Variants in ANKS1B observed in about 807,000 individuals in gnomAD.
ANKS1B encodes the protein ankyrin repeat and sterile alpha motif domain containing 1B, also known as ankyrin repeat and sterile alpha motif domain-containing protein 1B.
Under a neutral mutation model 148.3 loss-of-function variants are expected in ANKS1B, and 36 were observed. That is an observed-to-expected ratio of 0.24 (90% CI 0.19 to 0.32). The LOEUF (loss-of-function observed/expected upper bound fraction) is 0.32, where lower values mean the gene tolerates loss of function less well. Ranked by LOEUF, ANKS1B falls within the 10% of genes least tolerant of loss-of-function variation. ANKS1B has a pLI of 1.00. For synonymous variants in ANKS1B, 542 were observed against 560.8 expected (o/e 0.97, Z 0.47); for missense variants, 1,157 against 1,542.6 (o/e 0.75, Z 4.19).
At chr12:98,963,530 C>G (rs2153158415) in intron 17 of ANKS1B, among the ~76,000 whole-genome samples, 1 of 152,192 alleles carries the variant, frequency 6.6e-6, no homozygotes, top group Admixed American at 6.5e-5. Context: ...GTTGACAAGA[C>G]TTAAATCTAA....
intron 12 of ANKS1B, among the ~76,000 whole-genome samples, chr12:99,349,776 C>T (rs114419624): frequency 0.012 from 1,837 of 151,908 alleles, 39 homozygotes; most frequent in African/African-American, 0.042. Context: ...AATAACTATA[C>T]AGAAGGTCAA....
At chr12:99,746,264 C>T (rs1481382974) in intron 8 of ANKS1B, among the ~76,000 whole-genome samples, 2 of 152,166 alleles carry the variant, frequency 1.3e-5, no homozygotes, top group East Asian at 1.9e-4. Context: ...AACACAGATA[C>T]AATTAAGGAA....
chr12:99,177,144 T>C (rs1188274780), intron 14 of ANKS1B, among the ~76,000 whole-genome samples: 1 of 152,192 alleles, frequency 6.6e-6, no homozygotes, highest in African/African-American at 2.4e-5. Flanking sequence ...AGTCACTATG[T>C]TCCAAGTCTT....
chr12:98,813,401 G>C (rs12578659), intron 19 of ANKS1B, among the ~76,000 whole-genome samples: 11 of 149,796 alleles, frequency 7.3e-5, no homozygotes, highest in Admixed American at 3.3e-4. Context: ...TAAATGTGTA[G>C]AGAGGAGGTC....
chr12:99,844,619 T>A (rs973219063), intron 1 of ANKS1B, among the ~76,000 whole-genome samples: 3 of 152,184 alleles, frequency 2.0e-5, no homozygotes, highest in Non-Finnish European at 4.4e-5. Context: ...ACCAGTACCA[T>A]GCTGTTTTGG....
At chr12:99,212,078 A>G (rs1330868467) in intron 14 of ANKS1B, among the ~76,000 whole-genome samples, 2 of 152,184 alleles carry the variant, frequency 1.3e-5, no homozygotes, top group Admixed American at 1.3e-4. Context: ...CATTCTGCAT[A>G]CTGATTTTGT....
At chr12:99,118,904 C>A (rs76403736) in intron 15 of ANKS1B, among the ~76,000 whole-genome samples, 3,073 of 152,224 alleles carry the variant, frequency 0.02, 41 homozygotes, top group African/African-American at 0.026. Flanking sequence ...AGTATTGGAT[C>A]AGTTTTTGGT....
At chr12:99,195,606 A>G (rs1000164209) in intron 14 of ANKS1B, among the ~76,000 whole-genome samples, 6 of 152,216 alleles carry the variant, frequency 3.9e-5, no homozygotes, top group Admixed American at 2.6e-4. Context: ...ACAAAGAAAT[A>G]GCAAAAGCTT....
At chr12:99,352,375 C>G (rs553388511) in intron 12 of ANKS1B, among the ~76,000 whole-genome samples, 44 of 151,960 alleles carry the variant, frequency 2.9e-4, no homozygotes, top group African/African-American at 1.0e-3. Context: ...ATAAGAATGA[C>G]AGAAACATCA....
At chr12:98,946,174 C>T (rs1234636236) in intron 17 of ANKS1B, among the ~76,000 whole-genome samples, 1 of 152,130 alleles carries the variant, frequency 6.6e-6, no homozygotes, top group Non-Finnish European at 1.5e-5. Context: ...GGTAAAGCGT[C>T]CTCATCCTTA....
intron 15 of ANKS1B, among the ~76,000 whole-genome samples, chr12:99,132,389 C>T (rs958655195): frequency 6.6e-6 from 1 of 151,710 alleles, no homozygotes; most frequent in African/African-American, 2.4e-5. Context: ...ACCTGTAATC[C>T]CAGAACTTTG....
At chr12:99,667,353 A>AAAAAGAAAAGAAAAGAAAAG (rs71088138) in intron 8 of ANKS1B, among the ~76,000 whole-genome samples, 2,680 of 148,152 alleles carry the variant, frequency 0.018, 83 homozygotes, top group East Asian at 0.15. Flanking sequence ...TGTCTCAAAA[A>AAAAAGAAAAGAAAAGAAAAG]AAAAGAAAAG....
At chr12:99,002,799 T>C (rs963285095) in intron 17 of ANKS1B, among the ~76,000 whole-genome samples, 55 of 152,302 alleles carry the variant, frequency 3.6e-4, no homozygotes, top group African/African-American at 1.3e-3. Context: ...GTTTTTTTCA[T>C]TCTGTTGTTT....
At chr12:99,960,177 G>A (rs1029187993) in intron 1 of ANKS1B, among the ~76,000 whole-genome samples, 8 of 152,192 alleles carry the variant, frequency 5.3e-5, no homozygotes, top group Admixed American at 1.3e-4. Flanking sequence ...TTTCAAAGAC[G>A]TAGATTAAAA....
At chr12:99,197,834 A>G (rs1339005423) in intron 14 of ANKS1B, among the ~76,000 whole-genome samples, 1 of 152,110 alleles carries the variant, frequency 6.6e-6, no homozygotes, top group Non-Finnish European at 1.5e-5. Flanking sequence ...CTCACTTTGG[A>G]TCTATTACAG....
In ANKS1B at chr12:99,806,596, G is replaced by T. The variant is rs775581726; in HGVS notation, c.477C>A (p.Ser159Arg). 5 of 1,613,836 alleles carry T rather than the reference G, an allele frequency of 3.1e-6. No homozygotes were observed. In the African/African-American group the frequency reaches 4.0e-5, roughly 13 times the overall value. ...EELTDPTIRN[S>R]KLETPLDLAA... Reference sequence around the variant, plus strand: ...CCAAGTCCAAAGGTGTTTCCAGCTTGCTATTTCTAATTGTCGGGTCAGTGA... The same window carrying T: ...CCAAGTCCAAAGGTGTTTCCAGCTTTCTATTTCTAATTGTCGGGTCAGTGA... Residue 159 changes from serine to arginine, a missense_variant, in exon 4 of 27, where the codon AGC becomes AGA. Physicochemically the swap from Ser to Arg is moderately radical, Grantham distance 110. Around this residue, in one of 6 missense-constraint regions of ANKS1B, gnomAD observed 164 missense variants for 232.6 expected, o/e 0.71. Transcript: ENST00000683438.
intron 12 of ANKS1B, among the ~76,000 whole-genome samples, chr12:99,337,721 C>A (rs1038524598): frequency 4.6e-5 from 7 of 152,180 alleles, no homozygotes; most frequent in Admixed American, 2.0e-4. Flanking sequence ...CATTAGGGGG[C>A]ACCCCAAGCC....
chr12:99,347,254 T>A (rs1179295937), intron 12 of ANKS1B, among the ~76,000 whole-genome samples: 1 of 151,900 alleles, frequency 6.6e-6, no homozygotes, highest in African/African-American at 2.4e-5. Context: ...TTAGATGGGA[T>A]AAACAATAAA....
intron 8 of ANKS1B, among the ~76,000 whole-genome samples, chr12:99,675,912 TC>T (rs1397141634): frequency 1.3e-5 from 2 of 152,124 alleles, no homozygotes; most frequent in Non-Finnish European, 2.9e-5. Context: ...ACAGCATGAT[TC>T]TGTTTCATTT....
Sources: gnomAD v4.1 joint callset for allele counts (sites outside exome capture counted in the v4.1 genomes callset) on GRCh38, gnomAD v4.1.1 for gene constraint, gnomAD v4.1.1 regional missense constraint, MANE v1.5 for transcripts, NCBI Gene and HGNC (gene_info 2026-07-23, HGNC 2026-07-21) for gene names.